The following SEPTIN2 variants were observed in gnomAD, a reference collection of about 807,000 sequenced individuals.
SEPTIN2 encodes the protein septin-2.
Under a neutral mutation model 46.5 loss-of-function variants are expected in SEPTIN2, and 34 were observed. The ratio of observed to expected loss-of-function variants is 0.73; its 90% CI spans 0.56 to 0.97. The LOEUF (loss-of-function observed/expected upper bound fraction) is 0.97. SEPTIN2 is among the 50% of genes least tolerant of loss of function. The pLI is 0.00. For synonymous variants in SEPTIN2, 175 were observed against 153.4 expected, an observed-to-expected ratio of 1.14 and a Z score of -1.04; for missense variants, 347 against 448.4, an observed-to-expected ratio of 0.77 and a Z score of 2.04.
chr2:241,317,535 A>ATTT (rs750805176), intron 1 of SEPTIN2: 3 of 950,986 alleles, frequency 3.2e-6, no homozygotes, highest in African/African-American at 2.0e-5. Context: ...AGTTGTGGGT[A>ATTT]TTTTTTTTTT....
chr2:241,338,834 A>ACAT (rs2080704264), intron 7 of SEPTIN2, among the ~76,000 whole-genome samples: 2 of 98,922 alleles, frequency 2.0e-5, no homozygotes, highest in African/African-American at 9.5e-5. Flanking sequence ...TATATAATAT[A>ACAT]TATAATAAAT....
At chr2:241,338,444 C>G (rs940704788) in intron 7 of SEPTIN2, among the ~76,000 whole-genome samples, 39 of 151,024 alleles carry the variant, frequency 2.6e-4, no homozygotes, top group Admixed American at 1.1e-3. Context: ...ATACAAATCC[C>G]TAAATGAACA....
At chr2:241,348,726 A>T (rs1373185948) in intron 11 of SEPTIN2, among the ~76,000 whole-genome samples, 1 of 152,116 alleles carries the variant, frequency 6.6e-6, no homozygotes, top group African/African-American at 2.4e-5. Flanking sequence ...TCATATATTT[A>T]GCTGAAAGAC....
At chr2:241,345,190 G>T (rs1023136298) in intron 9 of SEPTIN2, among the ~76,000 whole-genome samples, 2 of 152,118 alleles carry the variant, frequency 1.3e-5, no homozygotes, top group Non-Finnish European at 2.9e-5. Flanking sequence ...TTCAAAGAAT[G>T]ACTGATGTGG....
At chr2:241,331,205 A>C (rs958375461) in intron 3 of SEPTIN2, among the ~76,000 whole-genome samples, 19 of 152,164 alleles carry the variant, frequency 1.2e-4, no homozygotes, top group African/African-American at 4.1e-4. Flanking sequence ...AAAAATCACA[A>C]ACAAGAGTAT....
intron 1 of SEPTIN2, chr2:241,316,405 G>T (rs949994846): frequency 1.6e-5 from 16 of 993,796 alleles, no homozygotes; most frequent in Admixed American, 6.8e-5. Context: ...TTCTAACGGT[G>T]CCATTTCCTC....
At chr2:241,340,568 T>C (rs4675965) in intron 7 of SEPTIN2, among the ~76,000 whole-genome samples, 110,313 of 152,012 alleles carry the variant, frequency 0.73, 40,891 homozygotes, top group Middle Eastern at 0.84. Flanking sequence ...AATACTTTAG[T>C]AATTCCTACT....
At chr2:241,324,172 A>G (rs376527725) in intron 1 of SEPTIN2, 44 bp from the exon 2 acceptor site, 1 of 1,570,336 alleles carries the variant, frequency 6.4e-7, no homozygotes. Context: ...CATACATACT[A>G]TGTATGTGCG....
upstream of SEPTIN2, chr2:241,315,705 C>G (rs1213560057): frequency 6.6e-6 from 1 of 152,416 alleles, no homozygotes; most frequent in African/African-American, 2.4e-5. Flanking sequence ...CTCTATATGG[C>G]CAACTGCCGT....
upstream of SEPTIN2, chr2:241,315,690 C>G (rs1247109660): frequency 6.6e-6 from 1 of 152,490 alleles, no homozygotes. Flanking sequence ...CCCCCCACCC[C>G]CAGCCTCTAT....
At chr2:241,342,859 A>G (rs533181371) in intron 7 of SEPTIN2, 133 bp from the exon 8 acceptor site, 6 of 609,418 alleles carry the variant, frequency 9.8e-6, no homozygotes, top group Non-Finnish European at 1.5e-5. Context: ...TTTATTTGAC[A>G]GTAACTTTCG....
intron 6 of SEPTIN2, 44 bp from the exon 7 acceptor site, chr2:241,337,625 TTGTA>T (rs768033801): frequency 3.2e-6 from 5 of 1,584,266 alleles, no homozygotes; most frequent in South Asian, 1.1e-5. Flanking sequence ...GAGAAGAGTT[TTGTA>T]TGTATTTTTT....
At chr2:241,316,589 T>C in intron 1 of SEPTIN2, 2 of 1,428,328 alleles carry the variant, frequency 1.4e-6, no homozygotes, top group Non-Finnish European at 1.8e-6. Flanking sequence ...GGGTATAGGG[T>C]TGGAGGCCGC....
At chr2:241,323,359 G>A (rs928387075) in intron 1 of SEPTIN2, among the ~76,000 whole-genome samples, 2 of 151,826 alleles carry the variant, frequency 1.3e-5, no homozygotes, top group African/African-American at 4.8e-5. Flanking sequence ...TAGTAGAGAC[G>A]GGGTTTCACC....
intron 1 of SEPTIN2, among the ~76,000 whole-genome samples, chr2:241,319,980 CT>C (rs552210311): frequency 6.8e-4 from 103 of 152,220 alleles, no homozygotes; most frequent in African/African-American, 2.4e-3. Context: ...TTTTTTTCCC[CT>C]ATACTGTGTT....
chr2:241,338,911 A>G (rs13014559), intron 7 of SEPTIN2, among the ~76,000 whole-genome samples: 1 of 60,116 alleles, frequency 1.7e-5, no homozygotes, highest in South Asian at 2.9e-4. Flanking sequence ...ATTATATATA[A>G]TATATATAAT....
At chr2:241,322,875 C>T (rs545574183) in intron 1 of SEPTIN2, among the ~76,000 whole-genome samples, 89 of 152,134 alleles carry the variant, frequency 5.9e-4, no homozygotes, top group African/African-American at 2.1e-3. Context: ...TGACATAATT[C>T]CAGAGGTCAG....
chr2:241,325,799 G>C (rs2077863951), intron 2 of SEPTIN2, among the ~76,000 whole-genome samples, 194 bp from the exon 3 acceptor site: 1 of 151,888 alleles, frequency 6.6e-6, no homozygotes, highest in Admixed American at 6.6e-5. Context: ...TACTAGATAA[G>C]TTTTTCTTTT....
rs2150149785 is a variant in SEPTIN2 at position 241,343,900 on chromosome 2, A to G, written c.842+3A>G. 1.9e-6 allele frequency: 3 copies of G among 1,614,134 alleles called. No homozygotes were observed. The highest frequency in any genetic ancestry group is 2.5e-6 in the Non-Finnish European group (3 of 1,179,988). ...CTGAAGCTGAGAACCATGCTCATGT[A>G]AGACATTTGGTGTGTTCCTTCTGGC... is the stretch of plus-strand genomic sequence containing the variant. On this transcript the variant is annotated splice_donor_region_variant and intron_variant, in intron 9 of 12. Transcript: ENST00000391971.
Sources: allele counts gnomAD v4.1 joint callset (sites outside exome capture counted in the v4.1 genomes callset), GRCh38; gene constraint gnomAD v4.1.1; transcripts MANE v1.5; gene names NCBI Gene and HGNC (gene_info 2026-07-23, HGNC 2026-07-21).